TMCO6: variants seen among roughly 807,000 people sequenced by gnomAD.
TMCO6 encodes the protein transmembrane and coiled-coil domain-containing protein 6.
TMCO6 carries 47 observed loss-of-function variants against 61.8 expected under a neutral mutation model. The ratio of observed to expected loss-of-function variants is 0.76; its 90% CI spans 0.60 to 0.97. The LOEUF (loss-of-function observed/expected upper bound fraction) is 0.97. Among genes scored for constraint, TMCO6 ranks in the 50% least tolerant of loss-of-function variants. TMCO6 has a pLI of 0.00. For synonymous variants in TMCO6, 261 were observed against 254.2 expected (o/e 1.03, Z -0.25); for missense variants, 557 against 601.6 (o/e 0.93, Z 0.78).
the TMCO6 span, among the ~76,000 whole-genome samples, chr5:140,603,738 T>C: frequency 6.6e-6 from 1 of 152,200 alleles, no homozygotes; most frequent in Non-Finnish European, 1.5e-5. Flanking sequence ...TTATCCATCA[T>C]CTGTTGATGA....
At chr5:140,598,808 C>T in the TMCO6 span, among the ~76,000 whole-genome samples, 42 of 152,146 alleles carry the variant, frequency 2.8e-4, no homozygotes, top group Admixed American at 5.2e-4. Context: ...TGGTGGCAGG[C>T]GACTGTAATC....
Position 140,642,344 on chromosome 5 carries a change from G to C in TMCO6, c.528G>C (p.Leu176=), listed in dbSNP as rs1484901088. Residue 176 remains leucine, a synonymous_variant, in exon 5 of 12, where the codon CTG becomes CTC. Transcript: ENST00000394671. ...TGTGTCTGTATACACTGGGTAACCT[G>C]ATCGTGGAGAGTGAGGCTGTGAGAA... The part of the protein sequence containing the change: ...IELCLYTLGN[L]IVESEAVRRQ... 1 of 1,613,736 alleles carries C rather than the reference G, an allele frequency of 6.2e-7. No homozygotes were observed. The highest frequency in any genetic ancestry group is 2.2e-5 in the East Asian group (1 of 44,876).
At chr5:140,621,056 C>A in the TMCO6 span, among the ~76,000 whole-genome samples, 2 of 151,980 alleles carry the variant, frequency 1.3e-5, no homozygotes, top group East Asian at 3.9e-4. Flanking sequence ...AAAATAGAAT[C>A]ACCATATGAT....
At chr5:140,641,509 C>T in intron 2 of TMCO6, 156 bp from the exon 3 acceptor site, 1 of 646,840 alleles carries the variant, frequency 1.5e-6, no homozygotes, top group South Asian at 1.9e-5. Flanking sequence ...TCTCTGTCCA[C>T]TCCACTGCAA....
chr5:140,632,747 C>T, the TMCO6 span: 34 of 1,613,360 alleles, frequency 2.1e-5, no homozygotes, highest in Non-Finnish European at 2.7e-5. This position sits in a 1 kb window ranked among gnomAD's most constrained non-coding sequence, Gnocchi z 6.2. Flanking sequence ...CATACTGCCG[C>T]GGGTCGGCGT....
chr5:140,611,733 G>A, the TMCO6 span, among the ~76,000 whole-genome samples: 1 of 152,036 alleles, frequency 6.6e-6, no homozygotes, highest in Non-Finnish European at 1.5e-5. Context: ...AAGACATATT[G>A]GTCTGTAGTT....
intron 2 of TMCO6, chr5:140,641,303 G>T (rs1352807227): frequency 1.1e-5 from 2 of 185,754 alleles, no homozygotes; most frequent in East Asian, 2.7e-4. Context: ...TAGGCTGGTT[G>T]TTGTTAGAGT....
chr5:140,644,485 G>A (rs1581470129), intron 10 of TMCO6, 88 bp from the exon 11 acceptor site: 4 of 1,477,934 alleles, frequency 2.7e-6, no homozygotes, highest in African/African-American at 1.4e-5. Context: ...ATGGTGCCTG[G>A]GCATGTGGTC....
chr5:140,619,589 T>A, the TMCO6 span, among the ~76,000 whole-genome samples: 1 of 148,324 alleles, frequency 6.7e-6, no homozygotes, highest in Non-Finnish European at 1.5e-5. Context: ...AACACACAAC[T>A]CTCCCTCCCA....
At chr5:140,620,034 C>A in the TMCO6 span, among the ~76,000 whole-genome samples, 1 of 152,190 alleles carries the variant, frequency 6.6e-6, no homozygotes, top group East Asian at 1.9e-4. Flanking sequence ...GATCCAGCAA[C>A]CACATTCCTT....
At chr5:140,624,998 C>T in the TMCO6 span, among the ~76,000 whole-genome samples, 1 of 151,658 alleles carries the variant, frequency 6.6e-6, no homozygotes, top group Admixed American at 6.6e-5. Flanking sequence ...GGATTACAGG[C>T]GCTTGGCACC....
chr5:140,635,028 T>C (rs3138076), upstream of TMCO6, among the ~76,000 whole-genome samples: 35,202 of 151,256 alleles, frequency 0.23, 4,240 homozygotes, highest in East Asian at 0.3. Context: ...GTGATTCACC[T>C]GCCTCGGCCT....
the TMCO6 span, among the ~76,000 whole-genome samples, chr5:140,612,334 C>CTTT: frequency 0.025 from 2,781 of 112,038 alleles, 248 homozygotes; most frequent in African/African-American, 0.074. Flanking sequence ...CTTGCCCAAT[C>CTTT]TTTTTTTTTT....
the TMCO6 span, among the ~76,000 whole-genome samples, chr5:140,613,398 A>G: frequency 7.3e-5 from 11 of 150,058 alleles, no homozygotes; most frequent in Non-Finnish European, 1.2e-4. Context: ...AAAAAAAAAA[A>G]AAAAAAAAAA....
At chr5:140,632,298 A>C in the TMCO6 span, 1 of 1,613,984 alleles carries the variant, frequency 6.2e-7, no homozygotes, top group Non-Finnish European at 8.5e-7. This position sits in a 1 kb window ranked among gnomAD's most constrained non-coding sequence, Gnocchi z 6.2. Flanking sequence ...TGTGTTGCGC[A>C]GCGCTAGATT....
downstream of TMCO6, chr5:140,647,676 C>T: frequency 6.8e-7 from 1 of 1,480,926 alleles, no homozygotes; most frequent in South Asian, 1.2e-5. Context: ...CCATAGGCTG[C>T]ATGAGGCAGG....
At chr5:140,617,119 G>A in the TMCO6 span, among the ~76,000 whole-genome samples, 46 of 152,084 alleles carry the variant, frequency 3.0e-4, no homozygotes, top group Admixed American at 6.6e-5. Context: ...TGACCAATAA[G>A]CACATGAAAG....
At chr5:140,614,548 TCAC>T in the TMCO6 span, among the ~76,000 whole-genome samples, 1 of 151,926 alleles carries the variant, frequency 6.6e-6, no homozygotes, top group Non-Finnish European at 1.5e-5. Flanking sequence ...AACAGCATAC[TCAC>T]TGGTAAGAAA....
Position 140,644,589 on chromosome 5 carries a change from G to C in TMCO6, c.1217G>C (p.Cys406Ser). The part of the protein sequence containing the change: ...VVSVMVLTVL[C>S]NVAEKGPAYC... ...TATCTGCAGGTGCTCACAGTTCTGT[G>C]CAATGTTGCAGAAAAGGGTCCTGCT... Residue 406 changes from cysteine (C) to serine (S), a missense_variant, in exon 11 of 12, where the codon TGC becomes TCC. Cys to Ser is a moderately radical substitution (Grantham distance 112). Transcript: ENST00000394671. The C allele has an allele frequency of 6.2e-7, 1 of 1,614,224 alleles. No individual in the cohort carries two copies. Among genetic ancestry groups the C allele is most frequent in the Non-Finnish European group, 8.5e-7 (1 of 1,180,042 alleles).
Sources: allele counts gnomAD v4.1 joint callset (sites outside exome capture counted in the v4.1 genomes callset), GRCh38; gene constraint gnomAD v4.1.1; non-coding constraint Gnocchi (gnomAD v3.1); transcripts MANE v1.5; gene names NCBI Gene and HGNC (gene_info 2026-07-23, HGNC 2026-07-21).